Variants in POU2AF1 observed in about 807,000 individuals in gnomAD.
POU2AF1 encodes the protein POU domain class 2-associating factor 1.
A neutral mutation model predicts 26.3 loss-of-function variants in POU2AF1; 12 were observed. That is an observed-to-expected ratio of 0.46 (90% CI 0.29 to 0.74). The LOEUF is 0.74. POU2AF1 is among the 30% of genes least tolerant of loss of function. The pLI, the probability that POU2AF1 is intolerant of heterozygous loss-of-function variation, is 0.09. For synonymous variants in POU2AF1, 175 were observed against 148.0 expected (o/e 1.18, Z -1.32); for missense variants, 297 against 334.5 (o/e 0.89, Z 0.87).
intron 1 of POU2AF1, chr11:111,363,219 G>T: frequency 9.8e-7 from 1 of 1,017,784 alleles, no homozygotes; most frequent in Non-Finnish European, 1.2e-6. Context: ...AGCTCCCACG[G>T]GTCTCCTGAC....
chr11:111,352,448 G>C lies in POU2AF1; in HGVS notation c.*1813C>G. ...TCCCAAGGTACACGTTCACTATCAAGAGCTAAGCACACCTGCTAACAACTC... is the reference window on the plus strand; with the variant it reads ...TCCCAAGGTACACGTTCACTATCAACAGCTAAGCACACCTGCTAACAACTC... On this transcript the variant is annotated 3_prime_UTR_variant, in exon 5 of 5. Coordinates refer to ENST00000393067, the MANE Select transcript of POU2AF1 (RefSeq NM_006235.3). The C allele has an allele frequency of 5.4e-6, 1 of 186,038 alleles. No individual in the cohort carries two copies. The highest frequency in any genetic ancestry group is 1.1e-5 in the Non-Finnish European group (1 of 87,908). 11.5% of individuals were successfully genotyped at this position (186,038 alleles called of 1,614,324 possible). A position where few individuals can be genotyped will look rare whatever the true frequency, so the allele number is the denominator to read the frequency against.
At chr11:111,357,995 C>G (rs1181764118) in intron 2 of POU2AF1, among the ~76,000 whole-genome samples, 158 bp from the exon 3 acceptor site, 1 of 152,164 alleles carries the variant, frequency 6.6e-6, no homozygotes, top group African/African-American at 2.4e-5. Flanking sequence ...CCATCACCAC[C>G]TACACTTGAG....
chr11:111,354,048 G>T lies in POU2AF1; in HGVS notation c.*213C>A, dbSNP rs1233510474. 8.8e-6 allele frequency: 4 copies of T among 454,722 alleles called. No individual in the cohort carries two copies. The highest frequency in any genetic ancestry group is 1.5e-5 in the Non-Finnish European group (4 of 267,528). 28.2% of individuals were successfully genotyped at this position (454,722 alleles called of 1,614,324 possible). A position where few individuals can be genotyped will look rare whatever the true frequency, so the allele number is the denominator to read the frequency against. ...AGGGGTTGGAAAGGAAGAAGGGAGG[G>T]AGGGGAAGAATGGAAGGATGGGGGA... On this transcript the variant is annotated 3_prime_UTR_variant, in exon 5 of 5. Coordinates refer to ENST00000393067, the MANE Select transcript of POU2AF1 (RefSeq NM_006235.3).
intron 1 of POU2AF1, among the ~76,000 whole-genome samples, chr11:111,373,904 T>C (rs1861260477): frequency 6.6e-6 from 1 of 152,204 alleles, no homozygotes; most frequent in Non-Finnish European, 1.5e-5. Flanking sequence ...AGAATTATGT[T>C]AATGTTCATA....
chr11:111,378,763 A>T (rs1861361026), intron 1 of POU2AF1, among the ~76,000 whole-genome samples: 2 of 152,364 alleles, frequency 1.3e-5, no homozygotes, highest in East Asian at 1.9e-4. Flanking sequence ...GCCACTGCTT[A>T]TGGAAATAAA....
chr11:111,361,529 G>T (rs528171923), intron 1 of POU2AF1, among the ~76,000 whole-genome samples: 57 of 152,342 alleles, frequency 3.7e-4, no homozygotes, highest in Admixed American at 9.1e-4. Context: ...AATACATGGG[G>T]AGCTCCAAAG....
At chr11:111,367,836 G>A (rs1769554189) in intron 1 of POU2AF1, among the ~76,000 whole-genome samples, 2 of 152,172 alleles carry the variant, frequency 1.3e-5, no homozygotes, top group South Asian at 2.1e-4. Context: ...TTCCCCGCAA[G>A]GTTTTATTTT....
intron 1 of POU2AF1, among the ~76,000 whole-genome samples, chr11:111,365,063 C>G (rs1219779197): frequency 6.6e-6 from 1 of 152,222 alleles, no homozygotes; most frequent in Non-Finnish European, 1.5e-5. Flanking sequence ...GTAAGGACCA[C>G]TTTCTTGGAG....
chr11:111,358,422 TCACACTCTCACACTCACTCTCA>T (rs1860913234), intron 2 of POU2AF1, among the ~76,000 whole-genome samples: 1 of 58,964 alleles, frequency 1.7e-5, no homozygotes, highest in Non-Finnish European at 4.1e-5. Context: ...ACACACACGC[TCACACTCTCACACTCACTCTCA>T]CACACACACA....
intron 1 of POU2AF1, among the ~76,000 whole-genome samples, chr11:111,377,025 A>C (rs1311711132): frequency 1.3e-5 from 2 of 152,066 alleles, no homozygotes; most frequent in Non-Finnish European, 2.9e-5. Context: ...CTTACAATGG[A>C]GTTTTGATCT....
At chr11:111,362,932 G>C (rs1226637970) in intron 1 of POU2AF1, 1 of 165,512 alleles carries the variant, frequency 6.0e-6, no homozygotes, top group Non-Finnish European at 1.3e-5. Flanking sequence ...CCTGGTCCCA[G>C]TCCCTCCCAG....
chr11:111,359,376 C>G (rs552120395), intron 1 of POU2AF1: 71 of 207,504 alleles, frequency 3.4e-4, no homozygotes, highest in Non-Finnish European at 5.0e-4. Context: ...CCTGCCTGAC[C>G]CCTGCAGCCT....
At position 111,366,983 on chromosome 11, in the gene POU2AF1, G is replaced by A. The variant is rs529794175; in HGVS notation, c.17-8065C>T. On this transcript the variant is annotated intron_variant, in intron 1 of 4. Coordinates refer to ENST00000393067, the MANE Select transcript of POU2AF1 (RefSeq NM_006235.3). ...CCTTCTCCACCAAGCTCAGACCTGA[G>A]CATTTACACCCTAAGGCCTCAGGAT... 2.0e-5 allele frequency among the ~76,000 whole-genome samples: 3 copies of A among 152,294 alleles called. No homozygotes were observed. The East Asian group carries it at 5.8e-4, about 29-fold the overall frequency.
chr11:111,357,740 A>C (rs771619591), intron 3 of POU2AF1, 30 bp from the exon 4 acceptor site: 5 of 1,612,056 alleles, frequency 3.1e-6, no homozygotes, highest in Non-Finnish European at 4.2e-6. Flanking sequence ...ACAGAACTTC[A>C]GATGCCACCC....
At chr11:111,363,951 T>A (rs777909280) in intron 1 of POU2AF1, 22 of 985,428 alleles carry the variant, frequency 2.2e-5, no homozygotes, top group Non-Finnish European at 2.7e-5. Flanking sequence ...GATCTCCTTT[T>A]TCGGGCTGAG....
chr11:111,370,486 G>T (rs1861188143), intron 1 of POU2AF1, among the ~76,000 whole-genome samples: 1 of 152,178 alleles, frequency 6.6e-6, no homozygotes. Context: ...AGATTGGCCA[G>T]GTCAGGGGGA....
chr11:111,364,542 A>C (rs2135124818), intron 1 of POU2AF1, among the ~76,000 whole-genome samples: 1 of 152,302 alleles, frequency 6.6e-6, no homozygotes, highest in South Asian at 2.1e-4. Context: ...TTCTGGGGCA[A>C]CTTTAAGAAA....
At chr11:111,377,882 C>T (rs1861339418) in intron 1 of POU2AF1, 1 of 180,322 alleles carries the variant, frequency 5.5e-6, no homozygotes, top group Non-Finnish European at 1.2e-5. Context: ...GCCAACAATT[C>T]TTGAATATTC....
chr11:111,358,546 A>G (rs1328777379), intron 2 of POU2AF1, among the ~76,000 whole-genome samples: 1 of 150,906 alleles, frequency 6.6e-6, no homozygotes, highest in African/African-American at 2.5e-5. Context: ...ACACAAACAC[A>G]TACACACTCA....
Sources: allele counts gnomAD v4.1 joint callset (sites outside exome capture counted in the v4.1 genomes callset), GRCh38; gene constraint gnomAD v4.1.1; transcripts MANE v1.5; gene names NCBI Gene and HGNC (gene_info 2026-07-23, HGNC 2026-07-21).